Variants in SHPRH observed in about 807,000 individuals in gnomAD.
SHPRH encodes SNF2 histone linker PHD RING helicase.
In SHPRH, 106 loss-of-function variants were observed where a neutral mutation model predicts 202.5. The ratio of observed to expected loss-of-function variants is 0.52; its 90% CI spans 0.45 to 0.62. SHPRH has a LOEUF of 0.62. Among genes scored for constraint, SHPRH ranks in the 20% least tolerant of loss-of-function variants. The probability of loss-of-function intolerance (pLI) is 0.00; values close to 1 mark genes in which losing one functional copy is unlikely to be tolerated. For missense variants in SHPRH, 1,710 were observed against 2,020.0 expected (o/e 0.85, Z 2.94); for synonymous variants, 729 against 686.0 (o/e 1.06, Z -0.98).
downstream of SHPRH, among the ~76,000 whole-genome samples, chr6:145,859,481 G>A (rs757529409): frequency 1.3e-5 from 2 of 151,974 alleles, no homozygotes; most frequent in Non-Finnish European, 2.9e-5. Context: ...AAATCGATGA[G>A]TGGAGATATT....
intron 9 of SHPRH, among the ~76,000 whole-genome samples, chr6:145,942,280 T>C (rs1786872204): frequency 6.6e-6 from 1 of 152,224 alleles, no homozygotes. Flanking sequence ...TAAGAGCTAT[T>C]ATTTATGAAA....
At chr6:145,920,698 T>C (rs1431194891) in intron 21 of SHPRH, among the ~76,000 whole-genome samples, 1 of 152,108 alleles carries the variant, frequency 6.6e-6, no homozygotes, top group Non-Finnish European at 1.5e-5. Context: ...AGGTATAATA[T>C]GATGGAATCA....
chr6:145,958,889 G>A (rs1788778299), intron 1 of SHPRH, among the ~76,000 whole-genome samples: 1 of 152,108 alleles, frequency 6.6e-6, no homozygotes, highest in Admixed American at 6.5e-5. Context: ...CTGGAGTGCA[G>A]TGGCGTGATC....
chr6:145,887,627 C>A (rs542198558), intron 29 of SHPRH, among the ~76,000 whole-genome samples: 1 of 151,310 alleles, frequency 6.6e-6, no homozygotes, highest in South Asian at 2.1e-4. Context: ...CCTCCACCTC[C>A]GGGGTTCAAG....
intron 2 of SHPRH, among the ~76,000 whole-genome samples, chr6:145,865,537 AG>A (rs773593683): frequency 4.6e-5 from 7 of 152,274 alleles, no homozygotes; most frequent in Non-Finnish European, 8.8e-5. Context: ...GAGCTGACTA[AG>A]ACAGGTGGCC....
Position 145,886,716 on chromosome 6 carries a change from G to C in SHPRH, c.5027C>G (p.Thr1676Ser). The C allele has an allele frequency of 6.2e-7, 1 of 1,613,584 alleles. No homozygotes were observed. The change falls in exon 30 of 30, where the codon ACC (threonine) becomes AGC (serine). Residue 1676 changes from threonine to serine, a missense_variant. Thr to Ser is a moderately conservative substitution (Grantham distance 58, BLOSUM62 1). Transcript: ENST00000275233. ...LTVADLADLF[T>S]KETEELE ...TCATTCAAGCTCTTCAGTTTCTTTG[G>C]TAAATAGGTCTGCCAGGTCAGCCAC...
Position 145,885,207 on chromosome 6 carries a change from G to A in SHPRH, c.*1484C>T, listed in dbSNP as rs1378606406. ...ATTATATCAACTTCACAAGATTGTT[G>A]GGTAAATTAAACACGTAAATGTACA... On this transcript the variant is annotated 3_prime_UTR_variant, in exon 30 of 30. Coordinates refer to ENST00000275233, the MANE Select transcript of SHPRH (RefSeq NM_001042683.3). 2 of 152,090 alleles carry A rather than the reference G, an allele frequency of 1.3e-5. No individual in the cohort carries two copies. The highest frequency in any genetic ancestry group is 4.8e-5 in the African/African-American group (2 of 41,414). The allele number at this position is 152,090 out of a possible 1,614,324, so 9.4% of individuals were successfully genotyped here.
intron 1 of SHPRH, among the ~76,000 whole-genome samples, chr6:145,961,119 C>A (rs1035779899): frequency 6.6e-6 from 1 of 152,136 alleles, no homozygotes; most frequent in African/African-American, 2.4e-5. Context: ...GGACTGGCAC[C>A]GGTCCATGGC....
chr6:145,898,216 C>A (rs1422258852), intron 25 of SHPRH, among the ~76,000 whole-genome samples: 1 of 151,422 alleles, frequency 6.6e-6, no homozygotes, highest in Non-Finnish European at 1.5e-5. Flanking sequence ...AATCAATTAT[C>A]CAAAAAGGAC....
chr6:145,893,209 C>T lies in SHPRH; in HGVS notation c.4874+6G>A. 6.7e-7 allele frequency: 1 copy of T among 1,497,434 alleles called. No individual in the cohort carries two copies. Among genetic ancestry groups the T allele is most frequent in the Non-Finnish European group, 8.9e-7 (1 of 1,123,648 alleles). 92.8% of individuals were successfully genotyped at this position (1,497,434 alleles called of 1,614,324 possible). A position where few individuals can be genotyped will look rare whatever the true frequency, so the allele number is the denominator to read the frequency against. ...AAATGTGACTGATTCTAATTTTAGT[C>T]CTTACTTTGTCTGTCCAATTCGGTG... On this transcript the variant is annotated splice_donor_region_variant and intron_variant, in intron 28 of 29. Coordinates refer to ENST00000275233, the MANE Select transcript of SHPRH (RefSeq NM_001042683.3).
intron 25 of SHPRH, among the ~76,000 whole-genome samples, chr6:145,902,407 G>A (rs1439667467): frequency 6.6e-6 from 1 of 152,072 alleles, no homozygotes; most frequent in Non-Finnish European, 1.5e-5. Flanking sequence ...TGTAAAATGT[G>A]GAGAACCTAA....
chr6:145,865,085 C>T (rs1305049576), intron 2 of SHPRH, among the ~76,000 whole-genome samples: 1 of 152,074 alleles, frequency 6.6e-6, no homozygotes, highest in African/African-American at 2.4e-5. Flanking sequence ...GATTGAACAT[C>T]TTCTTGCCCA....
In SHPRH at chr6:145,960,040, C is replaced by T. The variant is rs182601369; in HGVS notation, c.-33+3691G>A. Among the ~76,000 whole-genome samples the T allele has an allele frequency of 1.4e-3, 215 of 152,280 alleles. 1 individual carries two copies. The highest frequency in any genetic ancestry group is 3.1e-4 in the Non-Finnish European group (21 of 68,030). On this transcript the variant is annotated intron_variant, in intron 1 of 29. Coordinates refer to ENST00000275233, the MANE Select transcript of SHPRH (RefSeq NM_001042683.3). ...CACAAACATGCTGTGTAACACACTA[C>T]CTCAAAGCTCAATACCTTGATATAG...
chr6:145,911,692 T>TA lies in SHPRH; in HGVS notation c.4327-1057_4327-1056insT, dbSNP rs200261075. ...CCTTAAGCTATGTTTTTTTTAAGAT[T>TA]TGGACATGTATGGAAAGAAAGTGCG... On this transcript the variant is annotated intron_variant, in intron 24 of 29. Transcript: ENST00000275233. 4.2e-3 allele frequency among the ~76,000 whole-genome samples: 632 copies of TA among 152,246 alleles called. 18 individuals are homozygous for TA. In the East Asian group the frequency reaches 0.071, roughly 17 times the overall value.
chr6:145,881,102 T>C (rs1251338910), downstream of SHPRH, among the ~76,000 whole-genome samples: 1 of 152,236 alleles, frequency 6.6e-6, no homozygotes, highest in Non-Finnish European at 1.5e-5. Context: ...AGTAAAACAA[T>C]GTAAAAGATT....
chr6:145,922,581 T>G, intron 19 of SHPRH, 82 bp downstream of exon 19: 1 of 1,472,742 alleles, frequency 6.8e-7, no homozygotes. Context: ...ACCTTTACTA[T>G]ATGAGTCAAT....
At chr6:145,908,720 C>T (rs897926939) in intron 25 of SHPRH, 2 of 151,994 alleles carry the variant, frequency 1.3e-5, no homozygotes, top group African/African-American at 2.4e-5. Context: ...TGTTTACCGA[C>T]GATAATTTCT....
chr6:145,951,825 C>G lies in SHPRH; in HGVS notation c.763+524G>C, dbSNP rs1319862256. 2.2e-5 allele frequency: 10 copies of G among 455,864 alleles called. No homozygotes were observed. The Admixed American group carries it at 2.4e-4, about 11-fold the overall frequency. 28.2% of individuals were successfully genotyped at this position (455,864 alleles called of 1,614,324 possible). On this transcript the variant is annotated intron_variant, in intron 3 of 29. Transcript: ENST00000275233. Reference sequence around the variant, plus strand: ...AACTTGGAGAATTTGGGCTGTTTTTCCAGTAGTGTTGATGAGCTGCACCAA... The same window carrying G: ...AACTTGGAGAATTTGGGCTGTTTTTGCAGTAGTGTTGATGAGCTGCACCAA...
At chr6:145,868,491 G>C (rs1205198186) in intron 2 of SHPRH, among the ~76,000 whole-genome samples, 2 of 152,106 alleles carry the variant, frequency 1.3e-5, no homozygotes, top group Non-Finnish European at 2.9e-5. Flanking sequence ...ATGTATTTGG[G>C]GGTAGAATTA....
Sources: allele counts gnomAD v4.1 joint callset (sites outside exome capture counted in the v4.1 genomes callset), GRCh38; gene constraint gnomAD v4.1.1; transcripts MANE v1.5; gene names NCBI Gene and HGNC (gene_info 2026-07-23, HGNC 2026-07-21).